VPS4B: variants seen among roughly 807,000 people sequenced by gnomAD.
VPS4B encodes the protein vacuolar protein sorting-associated protein 4B.
In VPS4B, 23 loss-of-function variants were observed where a neutral mutation model predicts 56.1. The observed-to-expected ratio is 0.41, with a 90% confidence interval of 0.30 to 0.58. The LOEUF (loss-of-function observed/expected upper bound fraction) is 0.58. VPS4B is among the 20% of genes least tolerant of loss of function. The probability of loss-of-function intolerance (pLI) is 0.29; values close to 1 mark genes in which losing one functional copy is unlikely to be tolerated. For missense variants in VPS4B, 372 were observed against 531.9 expected (o/e 0.70, Z 2.96); for synonymous variants, 177 against 186.0 (o/e 0.95, Z 0.39).
At chr18:63,402,484 T>C (rs1046876023) in intron 5 of VPS4B, among the ~76,000 whole-genome samples, 1 of 152,226 alleles carries the variant, frequency 6.6e-6, no homozygotes, top group Non-Finnish European at 1.5e-5. Context: ...GACACTGGCA[T>C]GCTTGCTTTG....
chr18:63,411,647 T>A, intron 1 of VPS4B, 69 bp from the exon 2 acceptor site: 7 of 1,114,884 alleles, frequency 6.3e-6, no homozygotes, highest in Non-Finnish European at 8.3e-6. Context: ...TAAATAATCA[T>A]ACTGAAAGTT....
chr18:63,390,802 T>C lies in VPS4B; in HGVS notation c.*173A>G, dbSNP rs1435702258. 4.1e-6 allele frequency: 2 copies of C among 485,418 alleles called. No homozygotes were observed. Among genetic ancestry groups the C allele is most frequent in the East Asian group, 7.2e-5 (2 of 27,948 alleles). 30.1% of individuals were successfully genotyped at this position (485,418 alleles called of 1,614,324 possible). A position where few individuals can be genotyped will look rare whatever the true frequency, so the allele number is the denominator to read the frequency against. ...TTTGTACCTTTTGTTAATAGGAGTA[T>C]TTAATAAGTAATGGAGGAAAAGTAC... On this transcript the variant is annotated 3_prime_UTR_variant, in exon 11 of 11. Coordinates refer to ENST00000238497, the MANE Select transcript of VPS4B (RefSeq NM_004869.4).
chr18:63,404,485 T>A (rs548412086), intron 4 of VPS4B: 1 of 152,336 alleles, frequency 6.6e-6, no homozygotes, highest in South Asian at 2.1e-4. Context: ...TTACAACTTT[T>A]GTTAATTAAC....
intron 1 of VPS4B, among the ~76,000 whole-genome samples, chr18:63,419,365 C>CACTGCACTCCT (rs1916241719): frequency 1.3e-5 from 2 of 151,736 alleles, no homozygotes; most frequent in African/African-American, 4.8e-5. Context: ...TACCATAAGC[C>CACTGCACTCCT]GAGATCATGC....
intron 5 of VPS4B, among the ~76,000 whole-genome samples, chr18:63,403,108 A>G (rs1359746101): frequency 3.3e-5 from 5 of 152,234 alleles, no homozygotes; most frequent in Non-Finnish European, 5.9e-5. Flanking sequence ...TCACAGTGAT[A>G]ATGAAATGTC....
chr18:63,420,355 C>T (rs1299893222), intron 1 of VPS4B, among the ~76,000 whole-genome samples: 1 of 151,884 alleles, frequency 6.6e-6, no homozygotes, highest in African/African-American at 2.4e-5. Context: ...GGCTGAGGCA[C>T]AAGAATCACT....
intron 1 of VPS4B, among the ~76,000 whole-genome samples, chr18:63,414,009 C>T (rs1197143076): frequency 1.3e-5 from 2 of 152,174 alleles, no homozygotes; most frequent in Non-Finnish European, 2.9e-5. Flanking sequence ...TGGAGTCACA[C>T]AGTCAAGTGG....
At chr18:63,394,710 C>T (rs1599355370) in intron 9 of VPS4B, among the ~76,000 whole-genome samples, 1 of 152,174 alleles carries the variant, frequency 6.6e-6, no homozygotes, top group South Asian at 2.1e-4. Context: ...TGTGATCCGC[C>T]CACCTTGGCC....
At chr18:63,415,376 C>T (rs1916138731) in intron 1 of VPS4B, 1 of 255,412 alleles carries the variant, frequency 3.9e-6, no homozygotes. Flanking sequence ...ACGCTGGCTA[C>T]TGCTATCTCA....
intron 1 of VPS4B, among the ~76,000 whole-genome samples, chr18:63,421,667 C>G (rs1916304688): frequency 6.6e-6 from 1 of 152,108 alleles, no homozygotes; most frequent in Non-Finnish European, 1.5e-5. Flanking sequence ...GGAAGTGGAG[C>G]CACACAGAGG....
chr18:63,403,989 G>T (rs913098913), intron 4 of VPS4B, among the ~76,000 whole-genome samples, 163 bp from the exon 5 acceptor site: 2 of 152,234 alleles, frequency 1.3e-5, no homozygotes, highest in Non-Finnish European at 2.9e-5. Context: ...GTGTTAGGGA[G>T]TAGTCAATAG....
At chr18:63,421,638 C>T (rs2144445133) in intron 1 of VPS4B, among the ~76,000 whole-genome samples, 1 of 152,302 alleles carries the variant, frequency 6.6e-6, no homozygotes, top group East Asian at 1.9e-4. Context: ...AAACACTGTG[C>T]TCATTGCGGT....
Position 63,422,343 on chromosome 18 carries a change from GC to G in VPS4B, c.-85del. 7.5e-7 allele frequency: 1 copy of G among 1,326,164 alleles called. No individual in the cohort carries two copies. The highest frequency in any genetic ancestry group is 9.9e-7 in the Non-Finnish European group (1 of 1,009,644). The allele number at this position is 1,326,164 out of a possible 1,614,324, so 82.1% of individuals were successfully genotyped here. A position where few individuals can be genotyped will look rare whatever the true frequency, so the allele number is the denominator to read the frequency against. ...ACGTCGAAGCGCGCACGGGGTAACAGCCCTCAAACTGGGGAGGCCGGTGGTT... is the reference window on the plus strand; with the variant it reads ...ACGTCGAAGCGCGCACGGGGTAACAGCCTCAAACTGGGGAGGCCGGTGGTT... On this transcript the variant is annotated 5_prime_UTR_variant, in exon 1 of 11. Transcript: ENST00000238497.
intron 10 of VPS4B, among the ~76,000 whole-genome samples, chr18:63,392,129 G>C (rs1034253813): frequency 1.3e-5 from 2 of 152,140 alleles, no homozygotes; most frequent in Admixed American, 1.3e-4. Context: ...CCGTGTAAAA[G>C]TTTCTCCTCT....
Position 63,397,168 on chromosome 18 carries a change from T to G in VPS4B, c.958A>C (p.Ser320Arg). 6.2e-7 allele frequency: 1 copy of G among 1,614,210 alleles called. No individual in the cohort carries two copies. The highest frequency in any genetic ancestry group is 1.1e-5 in the South Asian group (1 of 91,090). The change falls in exon 9 of 11, where the codon AGT becomes CGT. Residue 320 changes from serine (S) to arginine (R), a missense_variant. Physicochemically the swap from Ser to Arg is moderately radical, Grantham distance 110. This residue lies in a region of VPS4B where 153 missense variants were observed against 190.9 expected (regional missense o/e 0.80). Coordinates refer to ENST00000238497, the MANE Select transcript of VPS4B (RefSeq NM_004869.4). ...FKLHLGTTQN[S>R]LTEADFRELG... ...TCCCGAAAGTCTGCTTCCGTGAGAC[T>G]GTTCTGAGTGGTCCCTAGGTGCAGT...
chr18:63,405,613 T>A (rs970803515), intron 4 of VPS4B, among the ~76,000 whole-genome samples: 6 of 152,140 alleles, frequency 3.9e-5, no homozygotes, highest in Admixed American at 1.3e-4. Context: ...TGTTTTACAT[T>A]TCTGGCCTTT....
chr18:63,418,435 G>A (rs1179588922), intron 1 of VPS4B, among the ~76,000 whole-genome samples: 1 of 151,436 alleles, frequency 6.6e-6, no homozygotes, highest in African/African-American at 2.4e-5. Flanking sequence ...TTTTAGACAG[G>A]GTCTCACTGT....
intron 9 of VPS4B, among the ~76,000 whole-genome samples, chr18:63,394,469 C>CTT (rs554481058): frequency 1.4e-5 from 2 of 143,036 alleles, no homozygotes; most frequent in Non-Finnish European, 3.1e-5. Context: ...GGAGGCACTT[C>CTT]TTTTTTTTTT....
chr18:63,414,912 T>C (rs918625198), intron 1 of VPS4B, among the ~76,000 whole-genome samples: 3 of 152,238 alleles, frequency 2.0e-5, no homozygotes, highest in Non-Finnish European at 2.9e-5. Context: ...TTTAAGCATC[T>C]AGCTCCAAAC....
Sources: allele counts gnomAD v4.1 joint callset (sites outside exome capture counted in the v4.1 genomes callset), GRCh38; gene constraint gnomAD v4.1.1; regional missense constraint gnomAD v4.1.1; transcripts MANE v1.5; gene names NCBI Gene and HGNC (gene_info 2026-07-23, HGNC 2026-07-21).